MAP2K4: variants seen among roughly 807,000 people sequenced by gnomAD.
MAP2K4 encodes mitogen-activated protein kinase kinase 4, also known as dual specificity mitogen-activated protein kinase kinase 4.
Under a neutral mutation model 48.5 loss-of-function variants are expected in MAP2K4, and 4 were observed. That is an observed-to-expected ratio of 0.08 (90% confidence interval 0.04 to 0.19). The LOEUF is 0.19. Among genes scored for constraint, MAP2K4 ranks in the 10% least tolerant of loss-of-function variants. The pLI is 1.00. For synonymous variants in MAP2K4, 166 were observed against 173.1 expected, an observed-to-expected ratio of 0.96 and a Z score of 0.32; for missense variants, 258 against 493.3, an observed-to-expected ratio of 0.52 and a Z score of 4.52.
intron 9 of MAP2K4, among the ~76,000 whole-genome samples, chr17:12,139,422 A>G (rs1973306431): frequency 6.6e-6 from 1 of 152,164 alleles, no homozygotes; most frequent in African/African-American, 2.4e-5. Context: ...TATCTCCCAG[A>G]ATTACTTGAT....
At chr17:12,079,160 A>G (rs1236992640) in intron 2 of MAP2K4, among the ~76,000 whole-genome samples, 2 of 152,118 alleles carry the variant, frequency 1.3e-5, no homozygotes, top group Non-Finnish European at 1.5e-5. Flanking sequence ...ATATTTACAG[A>G]ATTGTGCATC....
At chr17:12,037,226 G>A (rs1969630422) in intron 1 of MAP2K4, among the ~76,000 whole-genome samples, 1 of 152,066 alleles carries the variant, frequency 6.6e-6, no homozygotes, top group African/African-American at 2.4e-5. Context: ...GATTTTATAA[G>A]TATCCCTAAT....
At chr17:12,099,267 G>A (rs1597465693) in intron 4 of MAP2K4, among the ~76,000 whole-genome samples, 1 of 150,596 alleles carries the variant, frequency 6.6e-6, no homozygotes, top group African/African-American at 2.4e-5. Context: ...ACTGTCTATT[G>A]TGTATATATG....
At position 12,141,364 on chromosome 17, in the gene MAP2K4, T is replaced by C; in HGVS notation, c.*104T>C. ...GTTTTTATTGCTCGCCCAGACACCATGTGCAATAAGATTGGTGTTCGTTTC... is the reference window on the plus strand; with the variant it reads ...GTTTTTATTGCTCGCCCAGACACCACGTGCAATAAGATTGGTGTTCGTTTC... On this transcript the variant is annotated 3_prime_UTR_variant, in exon 11 of 11. Coordinates refer to ENST00000353533, the MANE Select transcript of MAP2K4 (RefSeq NM_003010.4). 1 of 809,248 alleles carries C rather than the reference T, an allele frequency of 1.2e-6. No homozygotes were observed. The highest frequency in any genetic ancestry group is 2.1e-6 in the Non-Finnish European group (1 of 465,166). The allele number at this position is 809,248 out of a possible 1,614,324, so 50.1% of individuals were successfully genotyped here.
At chr17:12,087,616 T>TATTA (rs145264662) in intron 3 of MAP2K4, among the ~76,000 whole-genome samples, 3,043 of 151,794 alleles carry the variant, frequency 0.02, 87 homozygotes, top group African/African-American at 0.069. Context: ...GGGGTATTAC[T>TATTA]ATTAATTAAT....
chr17:12,032,280 T>G, intron 1 of MAP2K4: 1 of 1,419,086 alleles, frequency 7.0e-7, no homozygotes, highest in Non-Finnish European at 9.3e-7. Flanking sequence ...TCAGATAAAC[T>G]TCTGTGAAAA....
chr17:12,141,111 A>G, intron 10 of MAP2K4, 36 bp from the exon 11 acceptor site: 1 of 1,380,018 alleles, frequency 7.2e-7, no homozygotes, highest in Non-Finnish European at 1.0e-6. Flanking sequence ...GCTGTCATAC[A>G]AACTTTTGAC....
intron 3 of MAP2K4, among the ~76,000 whole-genome samples, chr17:12,092,681 A>G (rs1394493336): frequency 6.6e-6 from 1 of 152,204 alleles, no homozygotes; most frequent in East Asian, 1.9e-4. Context: ...TAGTTTATTA[A>G]TTCCTCACAT....
intron 2 of MAP2K4, among the ~76,000 whole-genome samples, chr17:12,070,354 G>A (rs552714499): frequency 1.4e-3 from 207 of 152,202 alleles, no homozygotes; most frequent in Non-Finnish European, 2.3e-3. Context: ...ATTAAACAAG[G>A]AGGTTTGCTG....
intron 3 of MAP2K4, among the ~76,000 whole-genome samples, chr17:12,084,845 G>A (rs1046799553): frequency 6.6e-6 from 1 of 152,208 alleles, no homozygotes; most frequent in Non-Finnish European, 1.5e-5. Flanking sequence ...TTCTGAGCTA[G>A]GGTAATTCAG....
intron 2 of MAP2K4, among the ~76,000 whole-genome samples, chr17:12,063,241 A>G (rs1209405449): frequency 6.6e-6 from 1 of 152,218 alleles, no homozygotes; most frequent in Non-Finnish European, 1.5e-5. Flanking sequence ...GTCAGCCTAC[A>G]AGTACAACCT....
chr17:12,069,890 CATATATATATATATATATATATAT>C lies in MAP2K4; in HGVS notation c.219-11427_219-11404del, dbSNP rs56309746. The C allele has an allele frequency of 3.1e-3, 566 of 183,012 alleles. 11 individuals are homozygous for C. Among genetic ancestry groups the C allele is most frequent in the African/African-American group, 0.017 (224 of 13,066 alleles). 11.3% of individuals were successfully genotyped at this position (183,012 alleles called of 1,614,324 possible). On this transcript the variant is annotated intron_variant, in intron 2 of 10. Coordinates refer to ENST00000353533, the MANE Select transcript of MAP2K4 (RefSeq NM_003010.4). ...ATTTTCCTGTCTAAGGAAGATTAGTCATATATATATATATATATATATATATATATATATATATATATATATATA... is the reference window on the plus strand; with the variant it reads ...ATTTTCCTGTCTAAGGAAGATTAGTCATATATATATATATATATATATATA...
intron 8 of MAP2K4, among the ~76,000 whole-genome samples, chr17:12,128,764 G>A (rs1972938057): frequency 6.6e-6 from 1 of 152,166 alleles, no homozygotes; most frequent in Admixed American, 6.5e-5. Flanking sequence ...CCTCTAAGAT[G>A]GCTACAAATT....
At chr17:12,119,545 A>T (rs1972609927) in intron 7 of MAP2K4, among the ~76,000 whole-genome samples, 1 of 152,254 alleles carries the variant, frequency 6.6e-6, no homozygotes, top group Non-Finnish European at 1.5e-5. Context: ...GTGGAAATGT[A>T]AATTAATTCA....
intron 7 of MAP2K4, among the ~76,000 whole-genome samples, chr17:12,117,528 A>C (rs1972542930): frequency 6.6e-6 from 1 of 152,212 alleles, no homozygotes. Context: ...TATGCAGGCA[A>C]GATGTGCTAA....
chr17:12,021,942 A>G (rs1969088749), intron 1 of MAP2K4, among the ~76,000 whole-genome samples: 1 of 152,172 alleles, frequency 6.6e-6, no homozygotes, highest in African/African-American at 2.4e-5. Context: ...CGAGCCTGTT[A>G]GGGACCATTT....
intron 3 of MAP2K4, among the ~76,000 whole-genome samples, chr17:12,088,212 C>A (rs2151554592): frequency 6.6e-6 from 1 of 151,982 alleles, no homozygotes; most frequent in African/African-American, 2.4e-5. Flanking sequence ...CTCTACATCA[C>A]TGACTTTGGT....
At chr17:12,117,075 G>A (rs1194677326) in intron 7 of MAP2K4, among the ~76,000 whole-genome samples, 1 of 152,074 alleles carries the variant, frequency 6.6e-6, no homozygotes, top group Non-Finnish European at 1.5e-5. Context: ...TTTGCAGCAC[G>A]AGACAATTTC....
intron 9 of MAP2K4, among the ~76,000 whole-genome samples, chr17:12,134,656 A>C (rs1011332156): frequency 1.3e-5 from 2 of 152,242 alleles, no homozygotes; most frequent in African/African-American, 4.8e-5. Context: ...TTAAAATACC[A>C]GACCAAATTA....
Sources: gnomAD v4.1 joint callset for allele counts (sites outside exome capture counted in the v4.1 genomes callset) on GRCh38, gnomAD v4.1.1 for gene constraint, MANE v1.5 for transcripts, NCBI Gene and HGNC (gene_info 2026-07-23, HGNC 2026-07-21) for gene names.